CCDC40: variants seen among roughly 807,000 people sequenced by gnomAD.
The protein encoded by CCDC40 is coiled-coil domain 40 molecular ruler complex subunit, also known as coiled-coil domain-containing protein 40.
CCDC40 carries 104 observed loss-of-function variants against 124.5 expected under a neutral mutation model. That is an observed-to-expected ratio of 0.84 (90% CI 0.71 to 0.98). The LOEUF (loss-of-function observed/expected upper bound fraction) is 0.98, where lower values mean the gene tolerates loss of function less well. Among genes scored for constraint, CCDC40 ranks in the 50% least tolerant of loss-of-function variants. The probability of loss-of-function intolerance (pLI) is 0.00; values close to 1 mark genes in which losing one functional copy is unlikely to be tolerated. For synonymous variants in CCDC40, 580 were observed against 602.9 expected, an observed-to-expected ratio of 0.96 and a Z score of 0.56; for missense variants, 1,463 against 1,503.9, an observed-to-expected ratio of 0.97 and a Z score of 0.45.
rs763892619 is a variant in CCDC40 at position 80,048,669 on chromosome 17, G to C, written c.763G>C (p.Glu255Gln). ...CCAGATCCAGCAGCCCAGCACCGAG[G>C]AGGGGGCCATGGCAGAGAGAGTGGA... is the stretch of plus-strand genomic sequence containing the variant. ...QDQIQQPSTE[E>Q]GAMAERVESE... Residue 255 changes from glutamate (E) to glutamine (Q), a missense_variant, in exon 5 of 20, where the codon GAG becomes CAG. By Grantham distance (29) the Glu-to-Gln change is conservative. Transcript: ENST00000397545. 79 of 1,614,138 alleles carry C rather than the reference G, an allele frequency of 4.9e-5. 2 individuals carry two copies. Among genetic ancestry groups the C allele is most frequent in the South Asian group, 4.1e-4 (37 of 91,078 alleles).
In CCDC40 at chr17:80,081,595, A is replaced by G. The variant is rs1195776429; in HGVS notation, c.1612A>G (p.Lys538Glu). The G allele has an allele frequency of 1.2e-6, 2 of 1,613,946 alleles. No individual in the cohort carries two copies. Among genetic ancestry groups the G allele is most frequent in the Admixed American group, 3.3e-5 (2 of 60,006 alleles). The change falls in exon 11 of 20, where the codon AAG (lysine) becomes GAG (glutamate). Residue 538 changes from lysine to glutamate, a missense_variant. Lys to Glu is a moderately conservative substitution (Grantham distance 56). Coordinates refer to ENST00000397545, the MANE Select transcript of CCDC40 (RefSeq NM_017950.4). The stretch of plus-strand genomic sequence containing the variant: ...CACCGACGGCGAGATTGAGGCCTAT[A>G]AGAAATCCATCATGAAGGAGGAAGA... ...KSTDGEIEAY[K>E]KSIMKEEEKN...
chr17:80,058,003 C>T lies in CCDC40; in HGVS notation c.1160-491C>T, dbSNP rs1273054593. ...CTTGGGACAGGATGGAAGCTGCTGC[C>T]TCTTCTAGCCTCGTCCTCTCTGGCC... is the stretch of plus-strand genomic sequence containing the variant. On this transcript the variant is annotated intron_variant, in intron 7 of 19. Transcript: ENST00000397545. The surrounding 1 kb of genome is among the most constrained non-coding windows in gnomAD (Gnocchi z 4.2). Among the ~76,000 whole-genome samples, 1 of 152,206 alleles carries T rather than the reference C, an allele frequency of 6.6e-6. No individual in the cohort carries two copies. The highest frequency in any genetic ancestry group is 1.5e-5 in the Non-Finnish European group (1 of 68,034).
At chr17:80,095,225 G>A in intron 17 of CCDC40, 38 bp from the exon 18 acceptor site, 1 of 1,603,858 alleles carries the variant, frequency 6.2e-7, no homozygotes. Flanking sequence ...TGCAGCTCAG[G>A]CCTGCCCCAG....
chr17:80,091,354 G>GAC (rs2038719469), intron 17 of CCDC40, among the ~76,000 whole-genome samples: 1 of 149,380 alleles, frequency 6.7e-6, no homozygotes, highest in African/African-American at 2.5e-5. Flanking sequence ...GAGAGAGAGA[G>GAC]AGAGAAAGAA....
In CCDC40 at chr17:80,067,549, G is replaced by A. The variant is rs1177430957; in HGVS notation, c.1562+1943G>A. ...CCAAGTCAAAATATAAACACCGCTC[G>A]TTCCCGCCTTTCTACCACATGGCAT... is the stretch of plus-strand genomic sequence containing the variant. On this transcript the variant is annotated intron_variant, in intron 10 of 19. Coordinates refer to ENST00000397545, the MANE Select transcript of CCDC40 (RefSeq NM_017950.4). The A allele has an allele frequency of 3.9e-5, 60 of 1,524,798 alleles. 1 individual carries two copies. The highest frequency in any genetic ancestry group is 1.7e-4 in the Middle Eastern group (1 of 5,992). 94.5% of individuals were successfully genotyped at this position (1,524,798 alleles called of 1,614,324 possible). A position where few individuals can be genotyped will look rare whatever the true frequency, so the allele number is the denominator to read the frequency against.
At chr17:80,093,810 G>A (rs887720557) in intron 17 of CCDC40, among the ~76,000 whole-genome samples, 1 of 152,018 alleles carries the variant, frequency 6.6e-6, no homozygotes, top group Non-Finnish European at 1.5e-5. Context: ...CACCGCACCC[G>A]GCCTGTTTTC....
At chr17:80,048,290 G>C in intron 4 of CCDC40, 1 of 442,242 alleles carries the variant, frequency 2.3e-6, no homozygotes, top group South Asian at 2.1e-5. Flanking sequence ...CAATCCACTA[G>C]TTAAGTGGCC....
chr17:80,080,697 A>G (rs543133565), intron 10 of CCDC40, among the ~76,000 whole-genome samples: 1 of 152,200 alleles, frequency 6.6e-6, no homozygotes, highest in Non-Finnish European at 1.5e-5. Flanking sequence ...CCCATGCGTC[A>G]CTTTCCTTCT....
rs185858645 is a variant in CCDC40, at chr17:80,040,566, C to G, written c.552+296C>G. 2.2e-5 allele frequency: 9 copies of G among 406,362 alleles called. No homozygotes were observed. In the Admixed American group the frequency reaches 2.8e-4, roughly 13 times the overall value. 25.2% of individuals were successfully genotyped at this position (406,362 alleles called of 1,614,324 possible). A position where few individuals can be genotyped will look rare whatever the true frequency, so the allele number is the denominator to read the frequency against. On this transcript the variant is annotated intron_variant, in intron 3 of 19. Transcript: ENST00000397545. Reference sequence around the variant, plus strand: ...TGGTGGCGCACGCCTGTAATCCCAGCTACTCAGGAGGCTGAGGTGGGAGAA... The same window carrying G: ...TGGTGGCGCACGCCTGTAATCCCAGGTACTCAGGAGGCTGAGGTGGGAGAA...
chr17:80,067,544 C>G (rs933336065), intron 10 of CCDC40: 2 of 1,512,514 alleles, frequency 1.3e-6, no homozygotes, highest in Non-Finnish European at 1.8e-6. Flanking sequence ...ATATAAACAC[C>G]GCTCGTTCCC....
intron 17 of CCDC40, 111 bp from the exon 18 acceptor site, chr17:80,095,152 C>G (rs546700690): frequency 1.5e-5 from 15 of 1,006,426 alleles, no homozygotes; most frequent in Non-Finnish European, 2.3e-5. Context: ...GTTTCCCCGC[C>G]GATCCCCATG....
At chr17:80,093,978 C>A (rs1690804215) in intron 17 of CCDC40, among the ~76,000 whole-genome samples, 1 of 152,124 alleles carries the variant, frequency 6.6e-6, no homozygotes, top group African/African-American at 2.4e-5. Context: ...TAGTGTGGCT[C>A]CAAGTCACTT....
At position 80,069,261 on chromosome 17, in the gene CCDC40, G is replaced by T. The variant is rs145328047; in HGVS notation, c.1562+3655G>T. Among the ~76,000 whole-genome samples the T allele has an allele frequency of 1.8e-4, 26 of 147,302 alleles. No homozygotes were observed. The East Asian group carries it at 2.3e-3, about 13-fold the overall frequency. On this transcript the variant is annotated intron_variant, in intron 10 of 19. Coordinates refer to ENST00000397545, the MANE Select transcript of CCDC40 (RefSeq NM_017950.4). The stretch of plus-strand genomic sequence containing the variant: ...CTTGGTCAGGGGGTTGCTGCTGCGT[G>T]GGGGGGGCGGTAACCATAATCTTGC...
At chr17:80,074,041 TCA>T (rs1389455881) in intron 10 of CCDC40, among the ~76,000 whole-genome samples, 1 of 152,182 alleles carries the variant, frequency 6.6e-6, no homozygotes, top group African/African-American at 2.4e-5. Context: ...GGAAGGCATG[TCA>T]AAAGCTGAGA....
rs2038887128 is a variant in CCDC40, at chr17:80,099,811, G to A, written c.*36G>A. On this transcript the variant is annotated 3_prime_UTR_variant, in exon 20 of 20. Coordinates refer to ENST00000397545, the MANE Select transcript of CCDC40 (RefSeq NM_017950.4). ...GGACTCCGCCTTGCAAGGCCTCCAG[G>A]AAGAGATCCGGAATTGTGTTTGTCA... 6.2e-7 allele frequency: 1 copy of A among 1,607,640 alleles called. No homozygotes were observed. Among genetic ancestry groups the A allele is most frequent in the Non-Finnish European group, 8.5e-7 (1 of 1,178,398 alleles).
chr17:80,044,963 G>A (rs941172647), intron 3 of CCDC40, among the ~76,000 whole-genome samples: 1 of 152,124 alleles, frequency 6.6e-6, no homozygotes, highest in Non-Finnish European at 1.5e-5. Flanking sequence ...TGGAGCTTGT[G>A]TCCAGTTGTG....
rs77475692 is a variant in CCDC40, at chr17:80,046,556, T to A, written c.553-723T>A. On this transcript the variant is annotated intron_variant, in intron 3 of 19. Coordinates refer to ENST00000397545, the MANE Select transcript of CCDC40 (RefSeq NM_017950.4). ...TCAATAATAATAATAATAATAATAA[T>A]AAAAGAGTGGTTTCTGCGTGTCTGC... is the stretch of plus-strand genomic sequence containing the variant. Among the ~76,000 whole-genome samples, 27 of 151,344 alleles carry A rather than the reference T, an allele frequency of 1.8e-4. 1 individual carries two copies. The South Asian group carries it at 5.4e-3, about 31-fold the overall frequency.
intron 16 of CCDC40, 64 bp downstream of exon 16, chr17:80,088,166 G>T: frequency 8.7e-7 from 1 of 1,143,338 alleles, no homozygotes; most frequent in Non-Finnish European, 1.3e-6. Flanking sequence ...GCCTCTGTCC[G>T]TTGAAGACCA....
Position 80,086,576 on chromosome 17 carries a change from G to T in CCDC40, c.2449+360G>T. 1 of 330,866 alleles carries T rather than the reference G, an allele frequency of 3.0e-6. No individual in the cohort carries two copies. The highest frequency in any genetic ancestry group is 5.8e-6 in the Non-Finnish European group (1 of 171,252). 20.5% of individuals were successfully genotyped at this position (330,866 alleles called of 1,614,324 possible). ...GGGTCCTGCCAGGCAGGCTCCTGGT[G>T]CTGTCCCCACATCACCTCCAGTTGG... is the stretch of plus-strand genomic sequence containing the variant. On this transcript the variant is annotated intron_variant, in intron 14 of 19. Transcript: ENST00000397545. This position sits in a 1 kb window ranked among gnomAD's most constrained non-coding sequence, Gnocchi z 5.5.
Sources: allele counts gnomAD v4.1 joint callset (sites outside exome capture counted in the v4.1 genomes callset), GRCh38; gene constraint gnomAD v4.1.1; non-coding constraint Gnocchi (gnomAD v3.1); transcripts MANE v1.5; gene names NCBI Gene and HGNC (gene_info 2026-07-23, HGNC 2026-07-21).